ADAMTSL3: variants seen among roughly 807,000 people sequenced by gnomAD.
The protein encoded by ADAMTSL3 is ADAMTS-like protein 3.
In ADAMTSL3, 128 loss-of-function variants were observed where a neutral mutation model predicts 201.7. The observed-to-expected ratio is 0.63, with a 90% CI of 0.55 to 0.73. The LOEUF (loss-of-function observed/expected upper bound fraction) is 0.73. Ranked by LOEUF, ADAMTSL3 falls within the 30% of genes least tolerant of loss-of-function variation. ADAMTSL3 has a pLI of 0.00. For missense variants in ADAMTSL3, 1,990 were observed against 2,119.6 expected (o/e 0.94, Z 1.20); for synonymous variants, 738 against 748.4 (o/e 0.99, Z 0.23).
intron 2 of ADAMTSL3, among the ~76,000 whole-genome samples, chr15:83,702,940 A>T (rs2061796382): frequency 6.6e-6 from 1 of 152,122 alleles, no homozygotes; most frequent in African/African-American, 2.4e-5. Context: ...CAGACATTCA[A>T]CGCCTGCCTG....
At chr15:83,710,402 TTTCTGCTACTCA>T (rs557066899) in intron 3 of ADAMTSL3, among the ~76,000 whole-genome samples, 84 of 152,342 alleles carry the variant, frequency 5.5e-4, no homozygotes, top group Non-Finnish European at 1.0e-3. Flanking sequence ...CTCTTGCTGC[TTTCTGCTACTCA>T]TTCTGCTACT....
At chr15:83,965,649 T>G (rs2067068471) in intron 19 of ADAMTSL3, among the ~76,000 whole-genome samples, 1 of 152,058 alleles carries the variant, frequency 6.6e-6, no homozygotes, top group Non-Finnish European at 1.5e-5. Context: ...ACAAGGATAT[T>G]CAGGACTTGA....
chr15:83,834,686 T>A (rs80104561), intron 6 of ADAMTSL3, among the ~76,000 whole-genome samples: 388 of 152,374 alleles, frequency 2.5e-3, no homozygotes, highest in African/African-American at 9.2e-3. Context: ...ACTACTCATA[T>A]ATTTTAAATA....
rs2065968837 is a variant in ADAMTSL3, at chr15:83,913,326, T to C, written c.1935T>C (p.Thr645=). The stretch of plus-strand genomic sequence containing the variant: ...CTCTCCCTGAGGACAGTGAGACGAC[T>C]TACGACTGGGAGTACGCTGGGTTCA... The part of the protein sequence containing the change: ...DIPLPEDSET[T]YDWEYAGFTP... Residue 645 remains threonine, a synonymous_variant, in exon 16 of 30, where the codon ACT becomes ACC. Transcript: ENST00000286744. The C allele has an allele frequency of 6.2e-7, 1 of 1,613,702 alleles. No homozygotes were observed. The highest frequency in any genetic ancestry group is 1.1e-5 in the South Asian group (1 of 91,062).
intron 19 of ADAMTSL3, among the ~76,000 whole-genome samples, chr15:83,969,358 C>T (rs1019083879): frequency 1.3e-5 from 2 of 152,188 alleles, no homozygotes; most frequent in Admixed American, 1.3e-4. Flanking sequence ...GCAGGAGAAT[C>T]GCTTGAATCT....
intron 15 of ADAMTSL3, among the ~76,000 whole-genome samples, chr15:83,900,605 G>A (rs2065704646): frequency 1.3e-5 from 2 of 152,194 alleles, no homozygotes; most frequent in African/African-American, 4.8e-5. Context: ...AGGAAAAGGG[G>A]TCTCAGCAGT....
intron 3 of ADAMTSL3, among the ~76,000 whole-genome samples, chr15:83,733,153 C>T (rs1376588110): frequency 1.3e-5 from 2 of 152,072 alleles, no homozygotes; most frequent in Non-Finnish European, 2.9e-5. Context: ...TCTCCTTAAA[C>T]CCTCCGAAAC....
intron 25 of ADAMTSL3, among the ~76,000 whole-genome samples, chr15:84,018,491 T>C (rs1280111611): frequency 1.3e-5 from 2 of 152,192 alleles, no homozygotes; most frequent in African/African-American, 2.4e-5. Flanking sequence ...TACACAGTGA[T>C]AGGAGGAAGC....
chr15:83,987,615 C>A (rs951666625), intron 21 of ADAMTSL3, among the ~76,000 whole-genome samples: 2 of 151,948 alleles, frequency 1.3e-5, no homozygotes, highest in Non-Finnish European at 2.9e-5. Flanking sequence ...ACTCAGTGGG[C>A]GGGTCTGAGT....
At position 83,894,355 on chromosome 15, in the gene ADAMTSL3, T is replaced by G. The variant is rs376533780; in HGVS notation, c.1467+1467T>G. Among the ~76,000 whole-genome samples the G allele has an allele frequency of 2.2e-4, 33 of 152,350 alleles. No homozygotes were observed. The East Asian group carries it at 4.0e-3, about 19-fold the overall frequency. ...AAAGAAGATTAGAGAATTACGTATT[T>G]CTTCACATATATTTAGGTTGACATC... On this transcript the variant is annotated intron_variant, in intron 13 of 29. Transcript: ENST00000286744.
chr15:83,944,570 T>C (rs534026000), intron 19 of ADAMTSL3, among the ~76,000 whole-genome samples: 1 of 152,300 alleles, frequency 6.6e-6, no homozygotes, highest in East Asian at 1.9e-4. Flanking sequence ...GAAGCAGACG[T>C]TGTCTCCCTT....
chr15:83,815,281 C>T (rs1010045750), intron 5 of ADAMTSL3, among the ~76,000 whole-genome samples: 1 of 152,178 alleles, frequency 6.6e-6, no homozygotes, highest in African/African-American at 2.4e-5. Context: ...ATTCTGTGCC[C>T]TTCATTGCAT....
chr15:83,686,523 C>T (rs2061538139), intron 2 of ADAMTSL3, among the ~76,000 whole-genome samples: 1 of 152,184 alleles, frequency 6.6e-6, no homozygotes, highest in African/African-American at 2.4e-5. Context: ...TGTTCAGTTT[C>T]ATTGTGGGAT....
At chr15:83,842,896 T>C (rs990739880) in intron 7 of ADAMTSL3, among the ~76,000 whole-genome samples, 1 of 152,144 alleles carries the variant, frequency 6.6e-6, no homozygotes, top group Non-Finnish European at 1.5e-5. Flanking sequence ...CATCAGAAAA[T>C]ACCTCGTTTT....
intron 2 of ADAMTSL3, among the ~76,000 whole-genome samples, chr15:83,658,026 G>A (rs1401162036): frequency 2.0e-5 from 3 of 152,244 alleles, no homozygotes; most frequent in Non-Finnish European, 4.4e-5. Context: ...CACCAAGGTG[G>A]TTGTTAGAAA....
chr15:84,013,079 C>T (rs917106577), intron 23 of ADAMTSL3, among the ~76,000 whole-genome samples: 2 of 152,096 alleles, frequency 1.3e-5, no homozygotes, highest in African/African-American at 4.8e-5. Flanking sequence ...ACTTCAGTGC[C>T]AATATCAGTC....
At position 83,654,555 on chromosome 15, in the gene ADAMTSL3, C is replaced by T. The variant is rs1476439873; in HGVS notation, c.-34+279C>T. Among the ~76,000 whole-genome samples the T allele has an allele frequency of 6.6e-6, 1 of 152,100 alleles. No individual in the cohort carries two copies. Among genetic ancestry groups the T allele is most frequent in the African/African-American group, 2.4e-5 (1 of 41,444 alleles). On this transcript the variant is annotated intron_variant, in intron 1 of 29. Coordinates refer to ENST00000286744, the MANE Select transcript of ADAMTSL3 (RefSeq NM_207517.3). This position sits in a 1 kb window ranked among gnomAD's most constrained non-coding sequence, Gnocchi z 5.3. ...AGGGGCGTTCTTGATTATGGGGGAA[C>T]TCCACAGGGTTGGAGTTTTTCAGGA...
At chr15:83,904,549 G>A (rs1034580732) in intron 15 of ADAMTSL3, among the ~76,000 whole-genome samples, 4 of 152,062 alleles carry the variant, frequency 2.6e-5, no homozygotes, top group African/African-American at 7.2e-5. Context: ...CATAGGGAGC[G>A]GATGTTCAAA....
chr15:83,677,172 A>G (rs766660826), intron 2 of ADAMTSL3, among the ~76,000 whole-genome samples: 4 of 152,042 alleles, frequency 2.6e-5, no homozygotes, highest in Non-Finnish European at 5.9e-5. Flanking sequence ...AATTCACTGA[A>G]GTTTGTTTTG....
Sources: allele counts gnomAD v4.1 joint callset (sites outside exome capture counted in the v4.1 genomes callset), GRCh38; gene constraint gnomAD v4.1.1; non-coding constraint Gnocchi (gnomAD v3.1); transcripts MANE v1.5; gene names NCBI Gene and HGNC (gene_info 2026-07-23, HGNC 2026-07-21).